Variants in CNTNAP5 observed in about 807,000 individuals in gnomAD.
CNTNAP5 encodes contactin associated protein family member 5.
In CNTNAP5, 72 loss-of-function variants were observed where a neutral mutation model predicts 150.2. The ratio of observed to expected loss-of-function variants is 0.48; its 90% CI spans 0.40 to 0.58. The LOEUF (loss-of-function observed/expected upper bound fraction) is 0.58, where lower values mean the gene tolerates loss of function less well. Ranked by LOEUF, CNTNAP5 falls within the 20% of genes least tolerant of loss-of-function variation. The pLI is 0.00. For synonymous variants in CNTNAP5, 672 were observed against 619.8 expected (o/e 1.08, Z -1.25); for missense variants, 1,636 against 1,626.2 (o/e 1.01, Z -0.10).
At chr2:124,210,114 T>C (rs989605169) in intron 1 of CNTNAP5, among the ~76,000 whole-genome samples, 1 of 152,232 alleles carries the variant, frequency 6.6e-6, no homozygotes, top group Non-Finnish European at 1.5e-5. Context: ...CAGTCATCTT[T>C]CTTATTTCCT....
chr2:124,286,755 TCTC>T (rs145818183), intron 3 of CNTNAP5, among the ~76,000 whole-genome samples: 204 of 152,262 alleles, frequency 1.3e-3, no homozygotes, highest in African/African-American at 4.6e-3. Flanking sequence ...AGGTCACCCT[TCTC>T]CTGGGAGAAA....
chr2:124,527,134 G>A, intron 9 of CNTNAP5, 151 bp from the exon 10 acceptor site: 1 of 610,074 alleles, frequency 1.6e-6, no homozygotes, highest in South Asian at 2.3e-5. Flanking sequence ...CCCTCCCTGA[G>A]AATGCTAGGA....
At chr2:124,321,477 GAA>G (rs1257887464) in intron 3 of CNTNAP5, among the ~76,000 whole-genome samples, 1 of 151,270 alleles carries the variant, frequency 6.6e-6, no homozygotes, top group Non-Finnish European at 1.5e-5. Context: ...AAGAAAAAAA[GAA>G]AAGGATTAGA....
At chr2:124,753,866 T>A (rs561360256) in intron 14 of CNTNAP5, among the ~76,000 whole-genome samples, 2 of 152,346 alleles carry the variant, frequency 1.3e-5, no homozygotes, top group African/African-American at 2.4e-5. Context: ...ATTAATTTTT[T>A]AAAAAGTAGT....
intron 1 of CNTNAP5, among the ~76,000 whole-genome samples, chr2:124,171,957 C>T (rs1038492361): frequency 1.3e-4 from 20 of 152,302 alleles, no homozygotes; most frequent in African/African-American, 1.9e-4. Flanking sequence ...TCATGAATGA[C>T]ACCAAAATGC....
chr2:124,427,084 G>T (rs1346982239), intron 4 of CNTNAP5, among the ~76,000 whole-genome samples: 3 of 152,150 alleles, frequency 2.0e-5, no homozygotes, highest in African/African-American at 7.2e-5. Context: ...TGAAAAAAGG[G>T]GAAGAAATTG....
chr2:124,875,689 A>G (rs940468131), intron 21 of CNTNAP5, among the ~76,000 whole-genome samples: 4 of 145,182 alleles, frequency 2.8e-5, no homozygotes, highest in African/African-American at 5.1e-5. Flanking sequence ...GTAAAAGAGA[A>G]CCATGAGGGT....
At chr2:124,176,850 T>TTTTTTTTTTC (rs1685078233) in intron 1 of CNTNAP5, among the ~76,000 whole-genome samples, 1 of 148,312 alleles carries the variant, frequency 6.7e-6, no homozygotes, top group African/African-American at 2.5e-5. Context: ...TGGTTTTTTT[T>TTTTTTTTTTC]TTTTTTTTTT....
chr2:124,462,714 G>A (rs1693281698), intron 6 of CNTNAP5, among the ~76,000 whole-genome samples: 1 of 152,182 alleles, frequency 6.6e-6, no homozygotes, highest in Admixed American at 6.6e-5. Flanking sequence ...CCTCTAGGGT[G>A]TTTGTAAGCC....
chr2:124,631,603 C>A (rs1677862012), intron 12 of CNTNAP5, among the ~76,000 whole-genome samples: 1 of 152,034 alleles, frequency 6.6e-6, no homozygotes, highest in Non-Finnish European at 1.5e-5. Context: ...AGGGCATAAC[C>A]CAAAGCTAAC....
intron 6 of CNTNAP5, among the ~76,000 whole-genome samples, chr2:124,461,030 G>A (rs537422610): frequency 6.6e-6 from 1 of 152,282 alleles, no homozygotes; most frequent in East Asian, 1.9e-4. Context: ...AGAAACAACA[G>A]GTGCTGGAGA....
chr2:124,415,912 A>T (rs550455346), intron 3 of CNTNAP5, among the ~76,000 whole-genome samples: 1 of 152,340 alleles, frequency 6.6e-6, no homozygotes, highest in East Asian at 1.9e-4. Flanking sequence ...TCAGCAAAAA[A>T]AACCCCCCAA....
intron 6 of CNTNAP5, among the ~76,000 whole-genome samples, chr2:124,471,478 G>C (rs990242204): frequency 6.6e-6 from 1 of 152,108 alleles, no homozygotes; most frequent in Non-Finnish European, 1.5e-5. Context: ...AGACAATGGA[G>C]TTTTCTAGAT....
rs1558803893 is a variant in CNTNAP5 at position 124,860,485 on chromosome 2, TTCCTTCCTTCCTTCCTTCTTTCC to T, written c.3218-4819_3218-4797del. On this transcript the variant is annotated intron_variant, in intron 19 of 23. Coordinates refer to ENST00000682447, the MANE Select transcript of CNTNAP5 (RefSeq NM_001367498.1). ...CTTCCTTCCTTCCTTCCTTCCTTCC[TTCCTTCCTTCCTTCCTTCTTTCC>T]TTCCTTCCTTCCTTCCTTCCTTCCT... Among the ~76,000 whole-genome samples the T allele has an allele frequency of 1.9e-4, 21 of 107,724 alleles. 3 individuals are homozygous for T. The highest frequency in any genetic ancestry group is 1.8e-3 in the South Asian group (6 of 3,296). The allele number at this position is 107,724 out of a possible 152,430, so 70.7% of individuals were successfully genotyped here. A position where few individuals can be genotyped will look rare whatever the true frequency, so the allele number is the denominator to read the frequency against.
intron 3 of CNTNAP5, among the ~76,000 whole-genome samples, chr2:124,266,344 C>T (rs1017327276): frequency 2.0e-5 from 3 of 152,140 alleles, no homozygotes; most frequent in Non-Finnish European, 4.4e-5. Flanking sequence ...TTATATTAAA[C>T]TGAGTGGATG....
chr2:124,683,518 C>A (rs573127210), intron 13 of CNTNAP5, among the ~76,000 whole-genome samples: 1 of 152,178 alleles, frequency 6.6e-6, no homozygotes, highest in Non-Finnish European at 1.5e-5. Flanking sequence ...AATGTGTAGT[C>A]TTTTGTCTCT....
intron 11 of CNTNAP5, among the ~76,000 whole-genome samples, chr2:124,597,112 T>C (rs201626726): frequency 0.42 from 62,152 of 147,534 alleles, 13,142 homozygotes; most frequent in East Asian, 0.78. Flanking sequence ...CCAGTCTGTG[T>C]CTTTTAATTG....
At chr2:124,620,175 C>T (rs1309746763) in intron 12 of CNTNAP5, among the ~76,000 whole-genome samples, 1 of 152,048 alleles carries the variant, frequency 6.6e-6, no homozygotes, top group African/African-American at 2.4e-5. Context: ...TTTATACACA[C>T]TTGAATGAGT....
intron 10 of CNTNAP5, among the ~76,000 whole-genome samples, chr2:124,544,790 C>T (rs1305851755): frequency 6.6e-6 from 1 of 152,122 alleles, no homozygotes; most frequent in Non-Finnish European, 1.5e-5. Flanking sequence ...CGGACTGCAC[C>T]AGAGGTTAAG....
Sources: gnomAD v4.1 joint callset for allele counts (sites outside exome capture counted in the v4.1 genomes callset) on GRCh38, gnomAD v4.1.1 for gene constraint, MANE v1.5 for transcripts, NCBI Gene and HGNC (gene_info 2026-07-23, HGNC 2026-07-21) for gene names.